The following RP1 variants were observed in gnomAD, a reference collection of about 807,000 sequenced individuals.
The protein encoded by RP1 is RP1 axonemal microtubule associated, also known as oxygen-regulated protein 1.
RP1 carries 16 observed loss-of-function variants against 14.8 expected under a neutral mutation model. That is an observed-to-expected ratio of 1.08 (90% CI 0.73 to 1.65). RP1 has a LOEUF of 1.65. Among genes scored for constraint, RP1 ranks in the 40% most tolerant of loss-of-function variants. The pLI, the probability that RP1 is intolerant of heterozygous loss-of-function variation, is 0.00. For missense variants in RP1, 2,631 were observed against 2,535.0 expected (o/e 1.04, Z -0.81); for synonymous variants, 876 against 883.6 (o/e 0.99, Z 0.15).
At chr8:54,712,136 C>G (rs895931776) in intron 15 of RP1, among the ~76,000 whole-genome samples, 1 of 152,036 alleles carries the variant, frequency 6.6e-6, no homozygotes, top group Admixed American at 6.5e-5. Context: ...AGAGAGGTGA[C>G]CTTTCCAGGT....
In RP1 at chr8:54,852,711, A is replaced by G. The variant is rs527795884; in HGVS notation, c.3973A>G (p.Lys1325Glu). Residue 1325 changes from lysine to glutamate, a missense_variant, in exon 26 of 29, where the codon AAG becomes GAG. Transcript: ENST00000637698. The stretch of plus-strand genomic sequence containing the variant: ...TCATCAGTCCAAAAACAATGAAATC[A>G]AGTTTCAGCGTGGACAGGTAATAGA... 14 of 1,232,056 alleles carry G rather than the reference A, an allele frequency of 1.1e-5. No individual in the cohort carries two copies. The South Asian group carries it at 5.8e-4, about 51-fold the overall frequency. 76.3% of individuals were successfully genotyped at this position (1,232,056 alleles called of 1,614,324 possible). A position where few individuals can be genotyped will look rare whatever the true frequency, so the allele number is the denominator to read the frequency against.
chr8:54,730,703 T>C (rs1189786572), intron 17 of RP1, among the ~76,000 whole-genome samples: 1 of 152,138 alleles, frequency 6.6e-6, no homozygotes, highest in South Asian at 2.1e-4. Context: ...ATTAATCCAA[T>C]GGGCAAGCAT....
intron 19 of RP1, among the ~76,000 whole-genome samples, chr8:54,745,630 C>A (rs893321491): frequency 2.0e-5 from 3 of 150,472 alleles, no homozygotes; most frequent in African/African-American, 7.3e-5. Flanking sequence ...GAAACTAAAA[C>A]AAAATGCTGA....
chr8:54,628,580 T>G lies in RP1; in HGVS notation c.4698T>G (p.Thr1566=), dbSNP rs1449767130. 6 of 1,613,888 alleles carry G rather than the reference T, an allele frequency of 3.7e-6. No homozygotes were observed. The East Asian group carries it at 1.1e-4, about 30-fold the overall frequency. Residue 1566 remains threonine, a synonymous_variant, in exon 4 of 4, where the codon ACT becomes ACG. Coordinates refer to ENST00000220676, the MANE Select transcript of RP1 (RefSeq NM_006269.2). ...AGATGGTAAAAATGATGGTGAAAACTATGGAAACTGGAAGTTATTCAGAGT... is the reference window on the plus strand; with the variant it reads ...AGATGGTAAAAATGATGGTGAAAACGATGGAAACTGGAAGTTATTCAGAGT... ...ETKMVKMMVK[T]METGSYSESS... is the part of the protein sequence containing the mutation.
chr8:54,762,543 G>C (rs566629155), intron 22 of RP1, among the ~76,000 whole-genome samples: 3 of 152,264 alleles, frequency 2.0e-5, no homozygotes, highest in Non-Finnish European at 2.9e-5. Context: ...TTACACTGGA[G>C]GTTTGGCTAT....
chr8:54,780,853 A>T, intron 23 of RP1: 1 of 900,306 alleles, frequency 1.1e-6, no homozygotes, highest in South Asian at 5.1e-5. Flanking sequence ...GAAGTTCGGA[A>T]TTCTCTAGGT....
intron 14 of RP1, among the ~76,000 whole-genome samples, chr8:54,702,723 T>C (rs1808055548): frequency 6.6e-6 from 1 of 152,216 alleles, no homozygotes; most frequent in Admixed American, 6.5e-5. Flanking sequence ...TGTTGTTTGA[T>C]AGCATTTTAT....
intron 1 of RP1, among the ~76,000 whole-genome samples, chr8:54,604,613 A>G (rs1031731201): frequency 1.2e-4 from 19 of 152,258 alleles, no homozygotes; most frequent in African/African-American, 3.6e-4. Flanking sequence ...AGAAGGAATG[A>G]TACCAGATCC....
intron 22 of RP1, among the ~76,000 whole-genome samples, chr8:54,767,526 A>G (rs536873768): frequency 1.3e-5 from 2 of 152,058 alleles, no homozygotes; most frequent in South Asian, 4.2e-4. Context: ...TGCCTGGACA[A>G]TTTTTGGATT....
At chr8:54,749,056 G>C (rs1422440561) in intron 19 of RP1, among the ~76,000 whole-genome samples, 2 of 152,088 alleles carry the variant, frequency 1.3e-5, no homozygotes, top group African/African-American at 4.8e-5. Context: ...TCCAAGAAAA[G>C]ATAAGATTAT....
Position 54,566,585 on chromosome 8 carries a change from A to G in RP1, c.-13+7265A>G, listed in dbSNP as rs369816900. Reference sequence around the variant, plus strand: ...AAAGCCATCAGATTTTAGAATCTCTACCTGGTGGCTCTCTCCTTCCAGCTG... The same window carrying G: ...AAAGCCATCAGATTTTAGAATCTCTGCCTGGTGGCTCTCTCCTTCCAGCTG... On this transcript the variant is annotated intron_variant, in intron 1 of 22. Transcript: ENST00000636932. Among the ~76,000 whole-genome samples, 6 of 152,072 alleles carry G rather than the reference A, an allele frequency of 3.9e-5. No individual in the cohort carries two copies. The East Asian group carries it at 7.7e-4, about 20-fold the overall frequency.
At chr8:54,610,841 A>T (rs1372109661) in intron 1 of RP1, among the ~76,000 whole-genome samples, 1 of 152,062 alleles carries the variant, frequency 6.6e-6, no homozygotes, top group African/African-American at 2.4e-5. Flanking sequence ...GGCGTACCTG[A>T]ATTTCTTTTT....
At chr8:54,612,555 G>T (rs1052954697), upstream of RP1, among the ~76,000 whole-genome samples, 2 of 152,104 alleles carry the variant, frequency 1.3e-5, no homozygotes, top group Non-Finnish European at 2.9e-5. Flanking sequence ...TGAGTTCCTG[G>T]CACTGCCTAC....
chr8:54,755,543 A>G (rs1809483439), intron 20 of RP1: 5 of 1,407,022 alleles, frequency 3.6e-6, no homozygotes, highest in African/African-American at 2.9e-5. Flanking sequence ...CTGAAAACCT[A>G]TGGATCTGGG....
At chr8:54,589,610 T>C (rs1169463670) in intron 1 of RP1, among the ~76,000 whole-genome samples, 2 of 152,202 alleles carry the variant, frequency 1.3e-5, no homozygotes, top group African/African-American at 4.8e-5. Context: ...ATCATGTGAC[T>C]GTTAAGTCTG....
chr8:54,793,103 A>G (rs889347787), intron 24 of RP1, among the ~76,000 whole-genome samples: 5 of 151,894 alleles, frequency 3.3e-5, no homozygotes, highest in African/African-American at 4.8e-5. Flanking sequence ...GTATAAATTT[A>G]TAGAAACATA....
chr8:54,770,034 A>T (rs1809863693), downstream of RP1: 1 of 471,312 alleles, frequency 2.1e-6, no homozygotes, highest in Non-Finnish European at 3.7e-6. Context: ...TGCCTCTGTT[A>T]AAGAGTTAAA....
intron 23 of RP1, among the ~76,000 whole-genome samples, chr8:54,778,324 T>C (rs534851079): frequency 4.1e-3 from 580 of 140,842 alleles, no homozygotes; most frequent in African/African-American, 0.015. Context: ...TCTTCTTCTT[T>C]TTTTTTTTTT....
intron 19 of RP1, among the ~76,000 whole-genome samples, chr8:54,739,689 T>C (rs1285914769): frequency 6.6e-6 from 1 of 152,042 alleles, no homozygotes; most frequent in African/African-American, 2.4e-5. Flanking sequence ...CTCGTGTGCT[T>C]TCTGTCTCTC....
Sources: allele counts gnomAD v4.1 joint callset (sites outside exome capture counted in the v4.1 genomes callset), GRCh38; gene constraint gnomAD v4.1.1; transcripts MANE v1.5; gene names NCBI Gene and HGNC (gene_info 2026-07-23, HGNC 2026-07-21).